Variants in ST7L observed in about 807,000 individuals in gnomAD.
ST7L encodes the protein suppressor of tumorigenicity 7 protein-like.
ST7L carries 57 observed loss-of-function variants against 72.5 expected under a neutral mutation model. The observed-to-expected ratio is 0.79, with a 90% CI of 0.64 to 0.98. ST7L has a LOEUF of 0.98. Among genes scored for constraint, ST7L ranks in the 50% least tolerant of loss-of-function variants. The pLI is 0.00. For missense variants in ST7L, 576 were observed against 672.2 expected (o/e 0.86, Z 1.58); for synonymous variants, 221 against 240.9 (o/e 0.92, Z 0.77).
intron 11 of ST7L, among the ~76,000 whole-genome samples, chr1:112,561,644 C>G (rs893079723): frequency 6.6e-6 from 1 of 151,586 alleles, no homozygotes; most frequent in Admixed American, 6.6e-5. Context: ...CCACACCTGG[C>G]TAATTTTGTA....
intron 14 of ST7L, chr1:112,540,368 G>T (rs557344950): frequency 1.0e-6 from 1 of 985,404 alleles, no homozygotes. Context: ...AGATTACATA[G>T]TAAGGTCATT....
At chr1:112,617,715 TCTCACACACA>T (rs1233419452) in intron 1 of ST7L, among the ~76,000 whole-genome samples, 2,021 of 123,138 alleles carry the variant, frequency 0.016, 51 homozygotes, top group African/African-American at 0.062. Context: ...TCTTTCTCTC[TCTCACACACA>T]CACACACACA....
At chr1:112,567,474 G>A (rs1571063874) in intron 11 of ST7L, among the ~76,000 whole-genome samples, 1 of 152,194 alleles carries the variant, frequency 6.6e-6, no homozygotes, top group East Asian at 1.9e-4. Flanking sequence ...AGTTCAATTT[G>A]TAATTGTCTT....
intron 6 of ST7L, among the ~76,000 whole-genome samples, chr1:112,590,376 A>G (rs1249629751): frequency 6.6e-6 from 1 of 152,198 alleles, no homozygotes; most frequent in African/African-American, 2.4e-5. Context: ...TTTCCCCTTG[A>G]TTAAGCATTC....
At chr1:112,618,395 G>A in intron 1 of ST7L, 2 of 361,094 alleles carry the variant, frequency 5.5e-6, no homozygotes, top group Non-Finnish European at 7.7e-6. Context: ...AAACTATCAC[G>A]AAAACGATTT....
At chr1:112,539,712 C>T in intron 14 of ST7L, 1 of 983,408 alleles carries the variant, frequency 1.0e-6, no homozygotes. Flanking sequence ...ACTGCCCATA[C>T]CACAGTCATT....
At chr1:112,528,212 A>C (rs1653778347) in intron 14 of ST7L, 1 of 152,190 alleles carries the variant, frequency 6.6e-6, no homozygotes, top group Non-Finnish European at 1.5e-5. Context: ...AGAAGAAGGC[A>C]TTCTAAATAG....
chr1:112,540,954 T>C, intron 14 of ST7L: 1 of 866,862 alleles, frequency 1.2e-6, no homozygotes, highest in Non-Finnish European at 1.6e-6. Flanking sequence ...TTTGCTAATT[T>C]TACTTTGAGC....
At chr1:112,591,479 T>C (rs1233225499) in intron 6 of ST7L, 46 bp downstream of exon 6, 1 of 1,534,040 alleles carries the variant, frequency 6.5e-7, no homozygotes, top group Admixed American at 1.8e-5. Flanking sequence ...TCATTTGCCT[T>C]GGTTTCCTTC....
intron 12 of ST7L, among the ~76,000 whole-genome samples, chr1:112,554,995 T>C (rs1290331550): frequency 6.6e-6 from 1 of 152,160 alleles, no homozygotes; most frequent in Non-Finnish European, 1.5e-5. Context: ...ACTGGGGAGT[T>C]ATTATTTAAT....
At chr1:112,551,872 C>G (rs945619342) in intron 12 of ST7L, among the ~76,000 whole-genome samples, 6 of 152,162 alleles carry the variant, frequency 3.9e-5, no homozygotes, top group Non-Finnish European at 8.8e-5. Context: ...AGTTAAGTTC[C>G]TTGGTCACAA....
At chr1:112,571,493 C>T in intron 11 of ST7L, 1 of 238,994 alleles carries the variant, frequency 4.2e-6, no homozygotes, top group Non-Finnish European at 8.3e-6. Context: ...ATGGCATGAT[C>T]TTGGCTCACT....
intron 14 of ST7L, chr1:112,540,431 T>C: frequency 3.0e-6 from 3 of 985,450 alleles, no homozygotes; most frequent in Middle Eastern, 5.2e-4. Flanking sequence ...ATAACAGTTA[T>C]GAGTATGATC....
chr1:112,618,013 TC>T, intron 1 of ST7L: 1 of 1,304,034 alleles, frequency 7.7e-7, no homozygotes, highest in Non-Finnish European at 1.0e-6. Flanking sequence ...TCACAGTCTT[TC>T]ATGTCATCTC....
chr1:112,556,441 C>A (rs1193802909), intron 11 of ST7L, among the ~76,000 whole-genome samples: 3 of 151,954 alleles, frequency 2.0e-5, no homozygotes, highest in Non-Finnish European at 2.9e-5. Context: ...ATTATGAAAT[C>A]CAATTTTGGA....
At position 112,565,018 on chromosome 1, in the gene ST7L, G is replaced by T. The variant is rs138554666; in HGVS notation, c.1246-9000C>A. ...GCATAACACTAAAAGCAGTTTTATT[G>T]TAAAATAAGAAATAGTAATTTTTAT... On this transcript the variant is annotated intron_variant, in intron 11 of 14. Transcript: ENST00000358039. Among the ~76,000 whole-genome samples the T allele has an allele frequency of 9.2e-4, 139 of 151,102 alleles. 2 individuals are homozygous for T. The East Asian group carries it at 0.023, about 25-fold the overall frequency.
chr1:112,587,552 G>A (rs111971484), intron 6 of ST7L, among the ~76,000 whole-genome samples: 2,819 of 152,280 alleles, frequency 0.019, 74 homozygotes, highest in East Asian at 0.093. Flanking sequence ...GCAGTGAGCC[G>A]AGATCGTGCC....
intron 11 of ST7L, among the ~76,000 whole-genome samples, chr1:112,566,273 C>A (rs964543982): frequency 2.2e-5 from 3 of 136,298 alleles, no homozygotes; most frequent in African/African-American, 8.2e-5. Flanking sequence ...GACATATTTT[C>A]TTTTATTTCT....
At chr1:112,520,332 C>A, downstream of ST7L, 3 of 1,614,174 alleles carry the variant, frequency 1.9e-6, no homozygotes, top group Non-Finnish European at 2.5e-6. Flanking sequence ...AAGGAACAGA[C>A]GGTTGTGAAA....
Sources: gnomAD v4.1 joint callset for allele counts (sites outside exome capture counted in the v4.1 genomes callset) on GRCh38, gnomAD v4.1.1 for gene constraint, MANE v1.5 for transcripts, NCBI Gene and HGNC (gene_info 2026-07-23, HGNC 2026-07-21) for gene names.